The following SOX5 variants were observed in gnomAD, a reference collection of about 807,000 sequenced individuals.
SOX5 encodes the protein SRY-box transcription factor 5.
A neutral mutation model predicts 92.0 loss-of-function variants in SOX5; 9 were observed. That is an observed-to-expected ratio of 0.10 (90% CI 0.06 to 0.17). The LOEUF (loss-of-function observed/expected upper bound fraction) is 0.17. Ranked by LOEUF, SOX5 falls within the 10% of genes least tolerant of loss-of-function variation. The pLI is 1.00. For missense variants in SOX5, 642 were observed against 944.5 expected, an observed-to-expected ratio of 0.68 and a Z score of 4.20; for synonymous variants, 344 against 336.3, an observed-to-expected ratio of 1.02 and a Z score of -0.25.
intron 1 of SOX5, among the ~76,000 whole-genome samples, chr12:24,485,441 G>A (rs1279512325): frequency 6.6e-6 from 1 of 152,162 alleles, no homozygotes; most frequent in Non-Finnish European, 1.5e-5. Context: ...TTGTTCAAGA[G>A]TTAAAAAACA....
At chr12:24,287,001 G>T (rs1329553478) in intron 2 of SOX5, among the ~76,000 whole-genome samples, 1 of 152,284 alleles carries the variant, frequency 6.6e-6, no homozygotes, top group African/African-American at 2.4e-5. Context: ...TCTGGGAATA[G>T]AATTTTTGAA....
rs772383471 is a variant in SOX5, at chr12:23,740,946, T to C, written c.662A>G (p.Asp221Gly). 1.9e-6 allele frequency: 3 copies of C among 1,612,958 alleles called. No homozygotes were observed. Among genetic ancestry groups the C allele is most frequent in the Admixed American group, 3.3e-5 (2 of 59,938 alleles). The part of the protein sequence containing the change: ...SLREQLLAAH[D>G]EQKKLAASQI... ...AGAGGCAGCTAGTTTCTTCTGCTCA[T>C]CGTGGGCAGCCAACAGCTGCTCTCG... is the stretch of plus-strand genomic sequence containing the variant. The change falls in exon 5 of 15, where the codon GAT becomes GGT. Residue 221 changes from aspartate (D) to glycine (G), a missense_variant. By Grantham distance (94) the Asp-to-Gly change is moderately conservative (BLOSUM62 -1). Transcript: ENST00000451604.
rs117671524 is a variant in SOX5 at position 23,956,464 on chromosome 12, T to G, written c.-1-60440A>C. 2.1e-3 allele frequency among the ~76,000 whole-genome samples: 320 copies of G among 152,224 alleles called. 4 individuals are homozygous for G. In the East Asian group the frequency reaches 0.021, roughly 10 times the overall value. ...CAAAACTTATTGTGAACTGTGCATG[T>G]GAGGGATCTAGGTTTCACTCTTGAG... is the stretch of plus-strand genomic sequence containing the variant. On this transcript the variant is annotated intron_variant, in intron 4 of 4. Coordinates refer to the SOX5 transcript ENST00000446891.
intron 2 of SOX5, among the ~76,000 whole-genome samples, chr12:24,345,119 G>C (rs1041195373): frequency 4.6e-5 from 7 of 152,272 alleles, no homozygotes; most frequent in African/African-American, 1.4e-4. Context: ...GTGGTGTATG[G>C]GGTAAGAGAA....
At position 23,665,568 on chromosome 12, in the gene SOX5, C is replaced by T. The variant is rs1216949723; in HGVS notation, c.811-4G>A. On this transcript the variant is annotated splice_polypyrimidine_tract_variant and splice_region_variant and intron_variant, in intron 6 of 14. Transcript: ENST00000451604. ...ATGGCGGCAGCTGACCTTGAACCTG[C>T]TGAACGTGATAGAGCGAATCAAAGA... 1 of 1,611,208 alleles carries T rather than the reference C, an allele frequency of 6.2e-7. No homozygotes were observed. The highest frequency in any genetic ancestry group is 8.5e-7 in the Non-Finnish European group (1 of 1,178,606).
In SOX5 at chr12:23,830,849, G is replaced by T. The variant is rs140772070; in HGVS notation, c.481+15134C>A. Among the ~76,000 whole-genome samples the T allele has an allele frequency of 1.3e-3, 192 of 152,184 alleles. 1 individual carries two copies. Among genetic ancestry groups the T allele is most frequent in the African/African-American group, 4.5e-3 (186 of 41,532 alleles). The stretch of plus-strand genomic sequence containing the variant: ...TATGGTTCAGTTTAATTTCTAAAGG[G>T]CTGCTCAACAACAGACATTTAAATT... On this transcript the variant is annotated intron_variant, in intron 3 of 14. Coordinates refer to ENST00000451604, the MANE Select transcript of SOX5 (RefSeq NM_006940.6).
intron 6 of SOX5, among the ~76,000 whole-genome samples, chr12:23,680,184 G>A (rs1034109900): frequency 6.6e-6 from 1 of 151,662 alleles, no homozygotes; most frequent in African/African-American, 2.4e-5. Context: ...AAATTAGCCA[G>A]GTGTGGTGGC....
chr12:23,985,659 C>T (rs1236938662), intron 4 of SOX5, among the ~76,000 whole-genome samples: 2 of 135,388 alleles, frequency 1.5e-5, no homozygotes, highest in East Asian at 2.5e-4. Context: ...AAATGCTTCC[C>T]TTATTTTTTT....
At chr12:24,527,652 T>C (rs1950833220) in intron 1 of SOX5, among the ~76,000 whole-genome samples, 1 of 152,190 alleles carries the variant, frequency 6.6e-6, no homozygotes, top group African/African-American at 2.4e-5. Context: ...CTTCACATAA[T>C]CAAAAGAAAA....
intron 4 of SOX5, among the ~76,000 whole-genome samples, chr12:24,165,701 G>T (rs1405020313): frequency 6.6e-6 from 1 of 152,164 alleles, no homozygotes; most frequent in Non-Finnish European, 1.5e-5. Context: ...GAAAAGATGT[G>T]TAGGTTGATA....
chr12:24,432,471 T>C (rs114086884), intron 1 of SOX5, among the ~76,000 whole-genome samples: 4 of 152,176 alleles, frequency 2.6e-5, no homozygotes, highest in Non-Finnish European at 5.9e-5. Flanking sequence ...ATACTATCCC[T>C]AGTAGCAGTT....
At chr12:23,574,075 T>C (rs1021968454) in intron 10 of SOX5, among the ~76,000 whole-genome samples, 30 of 151,706 alleles carry the variant, frequency 2.0e-4, no homozygotes, top group Non-Finnish European at 3.4e-4. Flanking sequence ...TTTAGGTTAA[T>C]CTGTTACACA....
intron 6 of SOX5, among the ~76,000 whole-genome samples, chr12:23,710,104 C>A (rs2091886887): frequency 6.6e-6 from 1 of 152,080 alleles, no homozygotes; most frequent in South Asian, 2.1e-4. Flanking sequence ...TAATAGGTTA[C>A]ATACAGACAC....
intron 4 of SOX5, among the ~76,000 whole-genome samples, chr12:24,018,081 C>T (rs939686221): frequency 3.9e-5 from 6 of 152,148 alleles, no homozygotes; most frequent in African/African-American, 1.4e-4. Flanking sequence ...CACTTTCATC[C>T]TATTAAATCC....
At chr12:24,077,549 C>G (rs1187549590) in intron 4 of SOX5, among the ~76,000 whole-genome samples, 2 of 151,818 alleles carry the variant, frequency 1.3e-5, no homozygotes, top group Non-Finnish European at 2.9e-5. Context: ...CTTACTAGAT[C>G]TGATTGCAAG....
At position 23,691,933 on chromosome 12, in the gene SOX5, T is replaced by C. The variant is rs191312195; in HGVS notation, c.811-26369A>G. ...TTGTCGTTCACCTCATCTATTATTA[T>C]TTCCTTAATTTCTTGAGTGGACAGT... On this transcript the variant is annotated intron_variant, in intron 6 of 14. Transcript: ENST00000451604. Among the ~76,000 whole-genome samples the C allele has an allele frequency of 4.1e-3, 627 of 152,294 alleles. 4 individuals carry two copies. Among genetic ancestry groups the C allele is most frequent in the African/African-American group, 0.014 (586 of 41,578 alleles).
chr12:24,192,274 T>C (rs1172866659), intron 4 of SOX5, among the ~76,000 whole-genome samples: 1 of 152,220 alleles, frequency 6.6e-6, no homozygotes, highest in Non-Finnish European at 1.5e-5. Context: ...TTCAGATTAA[T>C]GGACAAAATT....
chr12:24,322,616 C>T (rs1259026279), intron 2 of SOX5, among the ~76,000 whole-genome samples: 1 of 152,074 alleles, frequency 6.6e-6, no homozygotes, highest in Non-Finnish European at 1.5e-5. Flanking sequence ...AGTGAGCTGA[C>T]GTTTCTCACA....
At chr12:24,264,411 A>G (rs1333267807) in intron 3 of SOX5, among the ~76,000 whole-genome samples, 11 of 152,180 alleles carry the variant, frequency 7.2e-5, no homozygotes. Context: ...TGATATCAGT[A>G]TGAAGTTTAA....
Sources: allele counts gnomAD v4.1 joint callset (sites outside exome capture counted in the v4.1 genomes callset), GRCh38; gene constraint gnomAD v4.1.1; transcripts MANE v1.5; gene names NCBI Gene and HGNC (gene_info 2026-07-23, HGNC 2026-07-21).